The following TEP1 variants were observed in gnomAD, a reference collection of about 807,000 sequenced individuals.
The protein encoded by TEP1 is telomerase protein component 1.
A neutral mutation model predicts 306.3 loss-of-function variants in TEP1; 241 were observed. That is an observed-to-expected ratio of 0.79 (90% CI 0.71 to 0.88). The LOEUF (loss-of-function observed/expected upper bound fraction) is 0.88, where lower values mean the gene tolerates loss of function less well. Ranked by LOEUF, TEP1 falls within the 40% of genes least tolerant of loss-of-function variation. The pLI is 0.00. For missense variants in TEP1, 3,051 were observed against 3,276.1 expected (o/e 0.93, Z 1.68); for synonymous variants, 1,289 against 1,305.5 (o/e 0.99, Z 0.27).
At chr14:20,405,669 C>A in intron 3 of TEP1, 84 bp from the exon 4 acceptor site, 1 of 1,508,942 alleles carries the variant, frequency 6.6e-7, no homozygotes, top group Non-Finnish European at 8.9e-7. Flanking sequence ...CTTACAAAGT[C>A]AAGGACAGAG....
chr14:20,407,956 A>AATGCTGAGCCCTCCAACTTGG lies in TEP1; in HGVS notation c.463_483dup (p.Pro155_His161dup). The AATGCTGAGCCCTCCAACTTGG allele has an allele frequency of 6.2e-7, 1 of 1,614,188 alleles. No individual in the cohort carries two copies. Among genetic ancestry groups the AATGCTGAGCCCTCCAACTTGG allele is most frequent in the Non-Finnish European group, 8.5e-7 (1 of 1,180,034 alleles). ...GTTGAAAGGTCTAGTCCCTTAGAGAAATGCTGAGCCCTCCAACTTGGAGGC... is the reference window on the plus strand; with the variant it reads ...GTTGAAAGGTCTAGTCCCTTAGAGAAATGCTGAGCCCTCCAACTTGGATGCTGAGCCCTCCAACTTGGAGGC... On this transcript the variant is annotated inframe_insertion, in exon 2 of 55. Coordinates refer to ENST00000262715, the MANE Select transcript of TEP1 (RefSeq NM_007110.5).
rs773939132 is a variant in TEP1, at chr14:20,368,293, G to T, written c.*144C>A. 1 of 876,646 alleles carries T rather than the reference G, an allele frequency of 1.1e-6. No individual in the cohort carries two copies. Among genetic ancestry groups the T allele is most frequent in the Non-Finnish European group, 1.7e-6 (1 of 603,128 alleles). 54.3% of individuals were successfully genotyped at this position (876,646 alleles called of 1,614,324 possible). On this transcript the variant is annotated 3_prime_UTR_variant, in exon 55 of 55. Coordinates refer to ENST00000262715, the MANE Select transcript of TEP1 (RefSeq NM_007110.5). ...GTTCTAAATCCACATGAGAACACAG[G>T]CAGGCCTACACTTGAGATTTTTTGA...
chr14:20,380,270 C>T lies in TEP1; in HGVS notation c.4968G>A (p.Trp1656Ter), dbSNP rs1315669576. ...RRWHLQHTLR[W>*]LNKPRTMKNQ... ...TTTTCATGGTCCGGGGTTTATTAAG[C>T]CATCGTAGTGTGTGTTGGAGGTGCC... The change falls in exon 34 of 55, where the codon TGG (tryptophan) becomes TGA (stop). Residue 1656 changes from tryptophan to a stop codon, truncating the protein, a stop_gained. Transcript: ENST00000262715. LOFTEE classifies it high-confidence loss of function. 6.2e-7 allele frequency: 1 copy of T among 1,614,078 alleles called. No homozygotes were observed. Among genetic ancestry groups the T allele is most frequent in the South Asian group, 1.1e-5 (1 of 91,076 alleles).
chr14:20,380,218 T>C lies in TEP1; in HGVS notation c.5003+17A>G. On this transcript the variant is annotated intron_variant, in intron 34 of 54. Coordinates refer to ENST00000262715, the MANE Select transcript of TEP1 (RefSeq NM_007110.5). ...GCTCTCTGGTGGGCTTACTAGGGTC[T>C]GGGGTCAAGGTCTTACCTTTGCTGA... is the stretch of plus-strand genomic sequence containing the variant. 6.2e-7 allele frequency: 1 copy of C among 1,609,888 alleles called. No homozygotes were observed. The highest frequency in any genetic ancestry group is 1.7e-5 in the Admixed American group (1 of 59,848).
At chr14:20,388,922 G>T (rs1430477924) in intron 17 of TEP1, among the ~76,000 whole-genome samples, 1 of 152,138 alleles carries the variant, frequency 6.6e-6, no homozygotes, top group Non-Finnish European at 1.5e-5. Flanking sequence ...GGCTGAGGTG[G>T]GTGGATCACA....
At chr14:20,405,383 C>T (rs941653866) in intron 4 of TEP1, 68 bp downstream of exon 4, 1 of 1,369,006 alleles carries the variant, frequency 7.3e-7, no homozygotes, top group African/African-American at 1.7e-5. Context: ...ACCACCCCGC[C>T]ACACACCATA....
intron 7 of TEP1, among the ~76,000 whole-genome samples, chr14:20,402,016 C>T (rs1271916544): frequency 6.6e-6 from 1 of 152,186 alleles, no homozygotes; most frequent in Non-Finnish European, 1.5e-5. Context: ...TGGCTCATGC[C>T]TATAAACCTA....
At position 20,386,591 on chromosome 14, in the gene TEP1, G is replaced by C; in HGVS notation, c.2717C>G (p.Thr906Ser). The change falls in exon 19 of 55, where the codon ACT (threonine) becomes AGT (serine). Residue 906 changes from threonine to serine, a missense_variant. Coordinates refer to ENST00000262715, the MANE Select transcript of TEP1 (RefSeq NM_007110.5). ...CCGCTCCCCATGCATGTCTCGGAAA[G>C]TGGATGAAATGAAAAGCCGGATGCT... ...WRSIRLFISS[T>S]FRDMHGERDL... is the part of the protein sequence containing the mutation. 6.2e-7 allele frequency: 1 copy of C among 1,607,754 alleles called. No homozygotes were observed. Among genetic ancestry groups the C allele is most frequent in the Non-Finnish European group, 8.5e-7 (1 of 1,175,456 alleles).
chr14:20,383,782 C>T lies in TEP1; in HGVS notation c.3671G>A (p.Gly1224Asp), dbSNP rs1297632568. The stretch of plus-strand genomic sequence containing the variant: ...GAGGGCACCTGGCTCTTTTAGTTGG[C>T]CACGCAGATAGGTACAGAGGCGTCT... ...LLRRLCTYLR[G>D]QLKEPGALPS... Residue 1224 changes from glycine to aspartate, a missense_variant, in exon 25 of 55, where the codon GGC becomes GAC. Physicochemically the swap from Gly to Asp is moderately conservative, Grantham distance 94. Coordinates refer to ENST00000262715, the MANE Select transcript of TEP1 (RefSeq NM_007110.5). 1.9e-6 allele frequency: 3 copies of T among 1,611,208 alleles called. No individual in the cohort carries two copies. Among genetic ancestry groups the T allele is most frequent in the Non-Finnish European group, 2.5e-6 (3 of 1,179,282 alleles).
In TEP1 at chr14:20,381,316, G is replaced by A. The variant is rs767959472; in HGVS notation, c.4644C>T (p.His1548=). 6.2e-7 allele frequency: 1 copy of A among 1,614,054 alleles called. No individual in the cohort carries two copies. Among genetic ancestry groups the A allele is most frequent in the South Asian group, 1.1e-5 (1 of 91,092 alleles). Residue 1548 remains histidine (H), a synonymous_variant, in exon 32 of 55, where the codon CAC becomes CAT. Coordinates refer to ENST00000262715, the MANE Select transcript of TEP1 (RefSeq NM_007110.5). This position sits in a 1 kb window ranked among gnomAD's most constrained non-coding sequence, Gnocchi z 4.0. The stretch of plus-strand genomic sequence containing the variant: ...TCTATGGGGTCTAGGAACTAACCAG[G>A]TGGTAAGGCAGGTCTCCCAGAGCCT... ...PPEALGDLPY[H]LLQSGNRGLL...
Position 20,383,487 on chromosome 14 carries a change from C to T in TEP1, c.3867+1G>A, listed in dbSNP as rs1346365732. 6.2e-7 allele frequency: 1 copy of T among 1,614,192 alleles called. No homozygotes were observed. The highest frequency in any genetic ancestry group is 8.5e-7 in the Non-Finnish European group (1 of 1,179,998). On this transcript the variant is annotated splice_donor_variant, in intron 26 of 54. Transcript: ENST00000262715. LOFTEE classifies it high-confidence loss of function. ...GACACCCACCTCCTTCTCACACTCA[C>T]CCGGGGAAGCTTCTTTGGGATCCAG...
chr14:20,372,853 G>A lies in TEP1; in HGVS notation c.6956C>T (p.Pro2319Leu). ...CCAGATCAGAGCACCAATGTGGCCT[G>A]GAGCCTGGTGTACACAACAAGTTCA... Reference protein sequence around the residue: ...EAKAVATAQAPGHIGALIWSS... With the variant: ...EAKAVATAQALGHIGALIWSS... The change falls in exon 49 of 55, where the codon CCA becomes CTA. Residue 2319 changes from proline to leucine, a missense_variant. Pro to Leu is a moderately conservative substitution (Grantham distance 98). This residue lies in a region of TEP1 where 1,540 missense variants were observed against 1,705.9 expected (regional missense o/e 0.90). Coordinates refer to ENST00000262715, the MANE Select transcript of TEP1 (RefSeq NM_007110.5). 6.2e-7 allele frequency: 1 copy of A among 1,614,178 alleles called. No individual in the cohort carries two copies. The highest frequency in any genetic ancestry group is 8.5e-7 in the Non-Finnish European group (1 of 1,180,046).
In TEP1 at chr14:20,379,083, C is replaced by G. The variant is rs772030168; in HGVS notation, c.5150G>C (p.Gly1717Ala). ...CAAACAAGCAGAGATTCCATCACAGCCACTCACCACAGACTTCTCCTCCTG... is the reference window on the plus strand; with the variant it reads ...CAAACAAGCAGAGATTCCATCACAGGCACTCACCACAGACTTCTCCTCCTG... ...TWQEEKSVVSGCDGISACLFL... is the reference protein window; with the variant it reads ...TWQEEKSVVSACDGISACLFL... The change falls in exon 36 of 55, where the codon GGC (glycine) becomes GCC (alanine). Residue 1717 changes from glycine to alanine, a missense_variant. Gly to Ala is a moderately conservative substitution (Grantham distance 60). This residue lies in a region of TEP1 where 1,540 missense variants were observed against 1,705.9 expected (regional missense o/e 0.90). Coordinates refer to ENST00000262715, the MANE Select transcript of TEP1 (RefSeq NM_007110.5). The G allele has an allele frequency of 1.2e-6, 2 of 1,614,160 alleles. No homozygotes were observed. Among genetic ancestry groups the G allele is most frequent in the East Asian group, 2.2e-5 (1 of 44,884 alleles).
chr14:20,380,219 G>A lies in TEP1; in HGVS notation c.5003+16C>T. On this transcript the variant is annotated intron_variant, in intron 34 of 54. Coordinates refer to ENST00000262715, the MANE Select transcript of TEP1 (RefSeq NM_007110.5). ...CTCTCTGGTGGGCTTACTAGGGTCTGGGGTCAAGGTCTTACCTTTGCTGAT... is the reference window on the plus strand; with the variant it reads ...CTCTCTGGTGGGCTTACTAGGGTCTAGGGTCAAGGTCTTACCTTTGCTGAT... 6.2e-7 allele frequency: 1 copy of A among 1,610,042 alleles called. No individual in the cohort carries two copies. Among genetic ancestry groups the A allele is most frequent in the Admixed American group, 1.7e-5 (1 of 59,852 alleles).
rs1885171970 is a variant in TEP1 at position 20,376,277 on chromosome 14, AAG to A, written c.6089-15_6089-14del. On this transcript the variant is annotated splice_polypyrimidine_tract_variant and intron_variant, in intron 41 of 54. Coordinates refer to ENST00000262715, the MANE Select transcript of TEP1 (RefSeq NM_007110.5). ...ACTGTGAAATCCTCTGCATTGGAAAAAGAGAGAGGGAACAGCTTCCTGAAAGA... is the reference window on the plus strand; with the variant it reads ...ACTGTGAAATCCTCTGCATTGGAAAAAGAGAGGGAACAGCTTCCTGAAAGA... 2 of 1,607,886 alleles carry A rather than the reference AAG, an allele frequency of 1.2e-6. No homozygotes were observed. The highest frequency in any genetic ancestry group is 4.5e-5 in the East Asian group (2 of 44,804).
intron 39 of TEP1, 132 bp downstream of exon 39, chr14:20,377,892 C>G (rs1885287658): frequency 1.4e-6 from 2 of 1,455,206 alleles, no homozygotes; most frequent in Non-Finnish European, 1.9e-6. Flanking sequence ...ACAGCGGCAC[C>G]CCTCTCCCCG....
rs771699947 is a variant in TEP1, at chr14:20,377,386, G to C, written c.5982C>G (p.Gly1994=). Residue 1994 remains glycine (G), a synonymous_variant, in exon 41 of 55, where the codon GGC becomes GGG. Transcript: ENST00000262715. ...VSGAEDGSLQ[G]WALKECSLQS... is the part of the protein sequence containing the mutation. Reference sequence around the variant, plus strand: ...GAAGGGAGCATTCCTTGAGTGCCCAGCCCTGCAAGGACCCATCTTCTGCAC... The same window carrying C: ...GAAGGGAGCATTCCTTGAGTGCCCACCCCTGCAAGGACCCATCTTCTGCAC... 7 of 1,614,034 alleles carry C rather than the reference G, an allele frequency of 4.3e-6. No homozygotes were observed. In the African/African-American group the frequency reaches 5.3e-5, roughly 12 times the overall value.
chr14:20,391,621 C>T lies in TEP1; in HGVS notation c.2075G>A (p.Cys692Tyr), dbSNP rs34008567. 3.0e-4 allele frequency: 479 copies of T among 1,613,962 alleles called. 1 individual carries two copies. In the African/African-American group the frequency reaches 5.6e-3, roughly 19 times the overall value. The change falls in exon 13 of 55, where the codon TGT (cysteine) becomes TAT (tyrosine). Residue 692 changes from cysteine to tyrosine, a missense_variant. Physicochemically the swap from Cys to Tyr is radical, Grantham distance 194. Around this residue, in one of 3 missense-constraint regions of TEP1, gnomAD observed 1,507 missense variants for 1,550.5 expected, o/e 0.97. Transcript: ENST00000262715. ...YLTDANADRL[C>Y]PKSNPQGPPL... Reference sequence around the variant, plus strand: ...TACCCCTTGTGGGTTGCTCTTTGGACAGAGCCTGTCTGCATTAGCATCTGT... The same window carrying T: ...TACCCCTTGTGGGTTGCTCTTTGGATAGAGCCTGTCTGCATTAGCATCTGT...
intron 1 of TEP1, among the ~76,000 whole-genome samples, chr14:20,412,362 A>G (rs1175905591): frequency 1.3e-5 from 2 of 152,134 alleles, no homozygotes; most frequent in Admixed American, 6.5e-5. Flanking sequence ...CCTTAAAAGG[A>G]CAGTCTCACT....
Sources: allele counts gnomAD v4.1 joint callset (sites outside exome capture counted in the v4.1 genomes callset), GRCh38; gene constraint gnomAD v4.1.1; regional missense constraint gnomAD v4.1.1; non-coding constraint Gnocchi (gnomAD v3.1); transcripts MANE v1.5; gene names NCBI Gene and HGNC (gene_info 2026-07-23, HGNC 2026-07-21).